The following FANK1 variants were observed in gnomAD, a reference collection of about 807,000 sequenced individuals.
FANK1 encodes the protein fibronectin type 3 and ankyrin repeat domains protein 1.
A neutral mutation model predicts 45.3 loss-of-function variants in FANK1; 44 were observed. The observed-to-expected ratio is 0.97, with a 90% CI of 0.76 to 1.25. FANK1 has a LOEUF of 1.25. FANK1 is among the 50% of genes most tolerant of loss of function. The pLI is 0.00. For synonymous variants in FANK1, 149 were observed against 152.5 expected, an observed-to-expected ratio of 0.98 and a Z score of 0.17; for missense variants, 391 against 424.4, an observed-to-expected ratio of 0.92 and a Z score of 0.69.
chr10:125,943,467 G>T (rs1589964859), intron 1 of FANK1, among the ~76,000 whole-genome samples: 1 of 152,116 alleles, frequency 6.6e-6, no homozygotes, highest in Non-Finnish European at 1.5e-5. Flanking sequence ...ACCCCCAGGA[G>T]AAATCTCATA....
rs771896634 is a variant in FANK1 at position 126,005,005 on chromosome 10, G to T, written c.661G>T (p.Gly221Cys). ...AGCTCTGCACTGGGCTGCAGATGGA[G>T]GCCACTGCAGTGTGATTGAGTGGAT... is the stretch of plus-strand genomic sequence containing the variant. ...CTALHWAADG[G>C]HCSVIEWMIK... Residue 221 changes from glycine to cysteine, a missense_variant, in exon 7 of 11, where the codon GGC becomes TGC. By Grantham distance (159) the Gly-to-Cys change is radical. Transcript: ENST00000368693. The T allele has an allele frequency of 1.9e-6, 3 of 1,614,038 alleles. No homozygotes were observed. The highest frequency in any genetic ancestry group is 1.3e-5 in the African/African-American group (1 of 74,934).
intron 3 of FANK1, chr10:125,994,607 TATTTC>T (rs1952181090): frequency 2.0e-6 from 2 of 985,296 alleles, no homozygotes; most frequent in African/African-American, 1.7e-5. Context: ...TCATTGGTGT[TATTTC>T]ATTTAAGCTT....
chr10:125,957,268 T>A (rs1337558554), intron 1 of FANK1, among the ~76,000 whole-genome samples: 2 of 152,194 alleles, frequency 1.3e-5, no homozygotes, highest in Non-Finnish European at 2.9e-5. Flanking sequence ...CTCTGTGCTG[T>A]TGTTATCCTC....
At chr10:125,900,738 G>C (rs534715637) in intron 1 of FANK1, among the ~76,000 whole-genome samples, 4 of 152,128 alleles carry the variant, frequency 2.6e-5, no homozygotes, top group Admixed American at 6.5e-5. Context: ...TGCAACCTCC[G>C]CCTCCCAGGT....
At chr10:125,940,208 C>T (rs1404680973) in intron 1 of FANK1, among the ~76,000 whole-genome samples, 6 of 152,076 alleles carry the variant, frequency 3.9e-5, no homozygotes, top group African/African-American at 1.2e-4. Context: ...GACCGGTGCT[C>T]AGCATACGGA....
intron 6 of FANK1, among the ~76,000 whole-genome samples, chr10:126,001,546 T>A (rs898487256): frequency 6.6e-6 from 1 of 152,216 alleles, no homozygotes; most frequent in Non-Finnish European, 1.5e-5. Flanking sequence ...CCTGCAGGGC[T>A]GTGCTCAGGA....
chr10:125,993,789 T>A (rs1230681873), intron 3 of FANK1, among the ~76,000 whole-genome samples: 2 of 152,130 alleles, frequency 1.3e-5, no homozygotes, highest in Non-Finnish European at 2.9e-5. Context: ...AAGTATAATG[T>A]AGCTAAAAAA....
intron 1 of FANK1, among the ~76,000 whole-genome samples, chr10:125,977,927 CAG>C: frequency 6.6e-6 from 1 of 152,286 alleles, no homozygotes; most frequent in South Asian, 2.1e-4. Context: ...GAGATAGTGG[CAG>C]AGAGGCTTTC....
chr10:125,912,357 C>T (rs1946084506), intron 1 of FANK1, among the ~76,000 whole-genome samples: 1 of 151,870 alleles, frequency 6.6e-6, no homozygotes, highest in Admixed American at 6.6e-5. Context: ...ATATCTACCC[C>T]CCTCCTCCTC....
chr10:125,943,216 T>G (rs1024694768), intron 1 of FANK1, among the ~76,000 whole-genome samples: 3 of 152,218 alleles, frequency 2.0e-5, no homozygotes, highest in Admixed American at 2.0e-4. Context: ...TCTGTTAAAC[T>G]CTTCATATGT....
chr10:125,902,461 A>T (rs920276402), intron 1 of FANK1, among the ~76,000 whole-genome samples: 1 of 152,194 alleles, frequency 6.6e-6, no homozygotes, highest in Non-Finnish European at 1.5e-5. Flanking sequence ...GTTGTGGTGT[A>T]CTTAAAAAAA....
intron 2 of FANK1, among the ~76,000 whole-genome samples, chr10:125,984,688 G>A (rs973100763): frequency 7.2e-5 from 11 of 152,188 alleles, no homozygotes; most frequent in African/African-American, 2.7e-4. Flanking sequence ...GGAGTTTAGA[G>A]AAGAAAGGGA....
At chr10:125,922,610 A>G (rs1356783746) in intron 1 of FANK1, among the ~76,000 whole-genome samples, 1 of 152,190 alleles carries the variant, frequency 6.6e-6, no homozygotes, top group East Asian at 1.9e-4. Context: ...TCAACCGGCT[A>G]GGCTCAAGTG....
intron 1 of FANK1, among the ~76,000 whole-genome samples, chr10:125,935,017 G>C (rs1170060825): frequency 3.9e-5 from 6 of 152,052 alleles, no homozygotes; most frequent in Non-Finnish European, 1.5e-5. Flanking sequence ...AGGCTATGCT[G>C]TGCATGCCCC....
At chr10:125,955,023 A>C (rs1027255760) in intron 1 of FANK1, among the ~76,000 whole-genome samples, 1 of 152,180 alleles carries the variant, frequency 6.6e-6, no homozygotes, top group Admixed American at 6.5e-5. Context: ...TAACATTAGC[A>C]GCAATCGCTT....
At chr10:125,897,739 AT>A (rs33969384) in intron 1 of FANK1, among the ~76,000 whole-genome samples, 1,654 of 143,904 alleles carry the variant, frequency 0.011, 1 homozygote, top group African/African-American at 0.038. Flanking sequence ...TGGATTCTAC[AT>A]TTTTTTAACC....
At position 125,995,519 on chromosome 10, in the gene FANK1, G is replaced by GT. The variant is rs200785168; in HGVS notation, c.398+29dup. Reference sequence around the variant, plus strand: ...GGAGGGTGAGAGAACTCTGTCAGTTGTTTTTTTTCCCCCATGCCTATAAAG... The same window carrying GT: ...GGAGGGTGAGAGAACTCTGTCAGTTGTTTTTTTTTCCCCCATGCCTATAAAG... On this transcript the variant is annotated intron_variant, in intron 4 of 10. Transcript: ENST00000368693. The GT allele has an allele frequency of 1.9e-3, 3,069 of 1,610,198 alleles. 34 individuals are homozygous for GT. In the African/African-American group the frequency reaches 0.023, roughly 12 times the overall value.
chr10:125,902,368 G>A (rs1274203383), intron 1 of FANK1, among the ~76,000 whole-genome samples: 6 of 152,166 alleles, frequency 3.9e-5, no homozygotes, highest in Non-Finnish European at 2.9e-5. Context: ...TGCCTAACAC[G>A]GAGTAAACCC....
chr10:125,975,119 A>T (rs1376860037), intron 1 of FANK1, among the ~76,000 whole-genome samples: 2 of 152,204 alleles, frequency 1.3e-5, no homozygotes, highest in Admixed American at 1.3e-4. Flanking sequence ...TTCCTGCATT[A>T]GATTGCTAAA....
Sources: allele counts gnomAD v4.1 joint callset (sites outside exome capture counted in the v4.1 genomes callset), GRCh38; gene constraint gnomAD v4.1.1; transcripts MANE v1.5; gene names NCBI Gene and HGNC (gene_info 2026-07-23, HGNC 2026-07-21).